The following KCNJ1 variants were observed in gnomAD, a reference collection of about 807,000 sequenced individuals.
KCNJ1 encodes the protein ATP-sensitive inward rectifier potassium channel 1.
Under a neutral mutation model 21.9 loss-of-function variants are expected in KCNJ1, and 24 were observed. The ratio of observed to expected loss-of-function variants is 1.10; its 90% CI spans 0.79 to 1.54. KCNJ1 has a LOEUF of 1.54. KCNJ1 is among the 40% of genes most tolerant of loss of function. KCNJ1 has a pLI of 0.00. For synonymous variants in KCNJ1, 152 were observed against 160.9 expected (o/e 0.94, Z 0.42); for missense variants, 457 against 455.4 (o/e 1.00, Z -0.03).
intron 2 of KCNJ1, chr11:128,842,421 T>G (rs758009770): frequency 1.2e-6 from 2 of 1,613,806 alleles, no homozygotes; most frequent in East Asian, 2.2e-5. Context: ...CATTCATGGC[T>G]GGAAAAAGCA....
At chr11:128,866,517 C>A in intron 1 of KCNJ1, 1 of 970,326 alleles carries the variant, frequency 1.0e-6, no homozygotes, top group African/African-American at 1.8e-5. Context: ...AGAAGGGGCT[C>A]CATACCTGTT....
At chr11:128,854,357 G>A (rs540990144) in intron 1 of KCNJ1, among the ~76,000 whole-genome samples, 2 of 152,148 alleles carry the variant, frequency 1.3e-5, no homozygotes, top group East Asian at 1.9e-4. Context: ...AGTCAGCAGC[G>A]CGGATGTTCC....
chr11:128,863,364 C>T lies in KCNJ1; in HGVS notation c.-192+3809G>A, dbSNP rs75663124. Among the ~76,000 whole-genome samples the T allele has an allele frequency of 3.0e-4, 45 of 152,246 alleles. No homozygotes were observed. The East Asian group carries it at 8.3e-3, about 28-fold the overall frequency. ...CAAGGATTATTCAAAAAGAATCTTCCCTTAGAAGCATCAGTGAGTCACACG... is the reference window on the plus strand; with the variant it reads ...CAAGGATTATTCAAAAAGAATCTTCTCTTAGAAGCATCAGTGAGTCACACG... On this transcript the variant is annotated intron_variant, in intron 1 of 2. Transcript: ENST00000392666.
chr11:128,850,190 AC>A (rs899988688), intron 2 of KCNJ1, among the ~76,000 whole-genome samples: 3 of 149,636 alleles, frequency 2.0e-5, no homozygotes, highest in African/African-American at 7.4e-5. Flanking sequence ...CGCCACACCC[AC>A]CCCCTTGCCA....
At chr11:128,842,566 T>C in intron 2 of KCNJ1, 1 of 1,498,166 alleles carries the variant, frequency 6.7e-7, no homozygotes, top group Admixed American at 2.2e-5. Context: ...GATAGTGGAG[T>C]CGTGTGATTT....
chr11:128,855,258 T>C (rs1943566610), intron 1 of KCNJ1, among the ~76,000 whole-genome samples: 1 of 152,210 alleles, frequency 6.6e-6, no homozygotes, highest in African/African-American at 2.4e-5. Flanking sequence ...CCAATAATTG[T>C]ACCCATTTTC....
chr11:128,866,919 G>C (rs1244842935), intron 1 of KCNJ1, among the ~76,000 whole-genome samples: 23 of 152,124 alleles, frequency 1.5e-4, no homozygotes. Flanking sequence ...TGCAACCAAA[G>C]ATTCTTACTG....
rs1195320235 is a variant in KCNJ1 at position 128,857,989 on chromosome 11, T to C, written c.-191-7099A>G. 2.6e-5 allele frequency among the ~76,000 whole-genome samples: 4 copies of C among 152,132 alleles called. No individual in the cohort carries two copies. The East Asian group carries it at 7.7e-4, about 29-fold the overall frequency. On this transcript the variant is annotated intron_variant, in intron 1 of 2. Transcript: ENST00000392666. ...TGGCTTAATAAAGGGTTTAAAAGTTTTAAAAAGTGCAAGAGCAGCTAAACC... is the reference window on the plus strand; with the variant it reads ...TGGCTTAATAAAGGGTTTAAAAGTTCTAAAAAGTGCAAGAGCAGCTAAACC...
rs150590958 is a variant in KCNJ1 at position 128,841,432 on chromosome 11, T to C, written c.-21-1168A>G. Among the ~76,000 whole-genome samples the C allele has an allele frequency of 5.0e-3, 754 of 152,318 alleles. 2 individuals carry two copies. The highest frequency in any genetic ancestry group is 8.6e-3 in the Non-Finnish European group (582 of 68,030). On this transcript the variant is annotated intron_variant, in intron 2 of 2. Coordinates refer to ENST00000392666, the MANE Select transcript of KCNJ1 (RefSeq NM_153766.3). ...GATGACATTACTGTGACTTCCATTG[T>C]ACAGCAAAATGGTGAAGGGCCTGTC...
In KCNJ1 at chr11:128,852,015, T is replaced by C. The variant is rs140343101; in HGVS notation, c.-191-1125A>G. On this transcript the variant is annotated intron_variant, in intron 1 of 2. Coordinates refer to ENST00000392666, the MANE Select transcript of KCNJ1 (RefSeq NM_153766.3). ...TGTCCCAGTCCCAACAAGTGGCCTA[T>C]GGGGTAAGATTTAAGAAGTGGGTTT... Among the ~76,000 whole-genome samples, 398 of 152,334 alleles carry C rather than the reference T, an allele frequency of 2.6e-3. 1 individual carries two copies. The highest frequency in any genetic ancestry group is 9.0e-3 in the African/African-American group (374 of 41,580).
intron 1 of KCNJ1, among the ~76,000 whole-genome samples, chr11:128,853,312 C>G (rs1249830529): frequency 6.6e-6 from 1 of 152,186 alleles, no homozygotes; most frequent in African/African-American, 2.4e-5. Flanking sequence ...GTGACATATC[C>G]ATACAGTGGA....
rs1158701074 is a variant in KCNJ1 at position 128,862,741 on chromosome 11, C to A, written c.-192+4432G>T. On this transcript the variant is annotated intron_variant, in intron 1 of 2. Transcript: ENST00000392666. The stretch of plus-strand genomic sequence containing the variant: ...AGGTCTAAGGTGACCTTAGCCCATG[C>A]CTGTGGCTTATCTCTGAACCCGATT... 5.3e-5 allele frequency among the ~76,000 whole-genome samples: 8 copies of A among 152,326 alleles called. No homozygotes were observed. The East Asian group carries it at 1.4e-3, about 26-fold the overall frequency.
intron 1 of KCNJ1, among the ~76,000 whole-genome samples, chr11:128,866,280 G>A (rs1333329559): frequency 2.0e-5 from 3 of 151,984 alleles, no homozygotes; most frequent in Admixed American, 6.6e-5. Flanking sequence ...CGTGCAGCTC[G>A]CAACTAATAA....
intron 1 of KCNJ1, among the ~76,000 whole-genome samples, chr11:128,853,911 A>G (rs1229550932): frequency 1.3e-5 from 2 of 152,100 alleles, no homozygotes; most frequent in African/African-American, 2.4e-5. Context: ...GCTCACCCTC[A>G]CTGCTAAACA....
chr11:128,842,155 C>A (rs755234959), intron 2 of KCNJ1, among the ~76,000 whole-genome samples: 18 of 152,214 alleles, frequency 1.2e-4, no homozygotes, highest in Non-Finnish European at 2.4e-4. Context: ...ATTATAATTC[C>A]AGAGATGGCT....
rs373196608 is a variant in KCNJ1 at position 128,860,787 on chromosome 11, G to T, written c.-192+6386C>A. Among the ~76,000 whole-genome samples the T allele has an allele frequency of 3.8e-4, 58 of 152,052 alleles. No homozygotes were observed. The South Asian group carries it at 0.011, about 29-fold the overall frequency. On this transcript the variant is annotated intron_variant, in intron 1 of 2. Coordinates refer to ENST00000392666, the MANE Select transcript of KCNJ1 (RefSeq NM_153766.3). Reference sequence around the variant, plus strand: ...CTGAAACCCAGGTGTGACCACAGAGGAAAGTGCCCTGAAGGCCAGAGACCC... The same window carrying T: ...CTGAAACCCAGGTGTGACCACAGAGTAAAGTGCCCTGAAGGCCAGAGACCC...
rs1483410154 is a variant in KCNJ1 at position 128,838,174 on chromosome 11, G to A, written c.*951C>T. 3 of 152,422 alleles carry A rather than the reference G, an allele frequency of 2.0e-5. No individual in the cohort carries two copies. The highest frequency in any genetic ancestry group is 4.8e-5 in the African/African-American group (2 of 41,368). 9.4% of individuals were successfully genotyped at this position (152,422 alleles called of 1,614,324 possible). A position where few individuals can be genotyped will look rare whatever the true frequency, so the allele number is the denominator to read the frequency against. ...ACAGTAAAACTTTCCCCTCAAGGTC[G>A]AGCCTTCCATAAGCTGGTCCCTTTT... On this transcript the variant is annotated 3_prime_UTR_variant, in exon 3 of 3. Transcript: ENST00000392666.
chr11:128,861,257 G>A (rs1052888945), intron 1 of KCNJ1, among the ~76,000 whole-genome samples: 2 of 152,268 alleles, frequency 1.3e-5, no homozygotes, highest in Admixed American at 6.5e-5. Flanking sequence ...GCTTTTCTGC[G>A]TGGGGTGCTG....
At chr11:128,842,510 T>A (rs1565523831) in intron 2 of KCNJ1, 6 of 1,604,158 alleles carry the variant, frequency 3.7e-6, no homozygotes, top group Non-Finnish European at 5.1e-6. Context: ...TAGGCGACAG[T>A]CAGTGGACTG....
Sources: allele counts gnomAD v4.1 joint callset (sites outside exome capture counted in the v4.1 genomes callset), GRCh38; gene constraint gnomAD v4.1.1; transcripts MANE v1.5; gene names NCBI Gene and HGNC (gene_info 2026-07-23, HGNC 2026-07-21).